Variants in DARS1 observed in about 807,000 individuals in gnomAD.
DARS1 encodes the protein aspartate--tRNA ligase, cytoplasmic.
In DARS1, 51 loss-of-function variants were observed where a neutral mutation model predicts 68.8. The observed-to-expected ratio is 0.74, with a 90% CI of 0.59 to 0.94. The LOEUF (loss-of-function observed/expected upper bound fraction) is 0.94. Among genes scored for constraint, DARS1 ranks in the 40% least tolerant of loss-of-function variants. The pLI is 0.00. For missense variants in DARS1, 607 were observed against 597.3 expected (o/e 1.02, Z -0.17); for synonymous variants, 203 against 190.4 (o/e 1.07, Z -0.55).
At chr2:135,912,314 C>T (rs1680911461) in intron 13 of DARS1, among the ~76,000 whole-genome samples, 172 bp downstream of exon 13, 1 of 152,126 alleles carries the variant, frequency 6.6e-6, no homozygotes, top group East Asian at 1.9e-4. Flanking sequence ...CTAGAATATT[C>T]AAATTTTACA....
chr2:135,972,547 C>T (rs1682396731), intron 3 of DARS1, among the ~76,000 whole-genome samples: 1 of 152,124 alleles, frequency 6.6e-6, no homozygotes, highest in Non-Finnish European at 1.5e-5. Flanking sequence ...TCCACAAGCA[C>T]AGGCAACTGA....
In DARS1 at chr2:135,965,371, C is replaced by T. The variant is rs138023264; in HGVS notation, c.218-3873G>A. 4.5e-3 allele frequency among the ~76,000 whole-genome samples: 681 copies of T among 152,028 alleles called. 6 individuals carry two copies. The highest frequency in any genetic ancestry group is 0.015 in the African/African-American group (631 of 41,462). On this transcript the variant is annotated intron_variant, in intron 3 of 15. Coordinates refer to ENST00000264161, the MANE Select transcript of DARS1 (RefSeq NM_001349.4). ...ATCTTAAAGATTTATGAGAAAAGAACACTGAGATCCCAATAGATAAACAGG... is the reference window on the plus strand; with the variant it reads ...ATCTTAAAGATTTATGAGAAAAGAATACTGAGATCCCAATAGATAAACAGG...
intron 1 of DARS1, 39 bp downstream of exon 1, chr2:135,985,364 G>A (rs780926175): frequency 2.5e-6 from 4 of 1,607,912 alleles, no homozygotes; most frequent in Admixed American, 1.7e-5. Context: ...CCCGGCCCAG[G>A]GGTCTGTCCT....
chr2:135,975,884 G>A (rs531372674), intron 3 of DARS1, among the ~76,000 whole-genome samples: 1 of 152,160 alleles, frequency 6.6e-6, no homozygotes, highest in African/African-American at 2.4e-5. Context: ...AGGAGGCAGA[G>A]GTTGCAATGA....
chr2:135,919,600 G>A (rs1040356068), intron 10 of DARS1, among the ~76,000 whole-genome samples: 4 of 152,020 alleles, frequency 2.6e-5, no homozygotes, highest in Admixed American at 6.6e-5. Context: ...AACTTGACTC[G>A]GTTCTATTTT....
At chr2:135,966,704 G>C (rs1357970620) in intron 3 of DARS1, among the ~76,000 whole-genome samples, 1 of 151,926 alleles carries the variant, frequency 6.6e-6, no homozygotes, top group Non-Finnish European at 1.5e-5. Context: ...ACTAATTTTT[G>C]TATTTTTTTA....
At chr2:135,911,237 A>T (rs754533572) in intron 14 of DARS1, 27 bp from the exon 15 acceptor site, 3 of 1,176,622 alleles carry the variant, frequency 2.5e-6, no homozygotes, top group Non-Finnish European at 3.8e-6. Flanking sequence ...AACAAAATAT[A>T]ATTTATCATC....
At chr2:135,985,304 C>G (rs1682751097) in intron 1 of DARS1, 99 bp downstream of exon 1, 26 of 1,473,220 alleles carry the variant, frequency 1.8e-5, no homozygotes, top group Non-Finnish European at 2.2e-5. Context: ...GAGAACGTGC[C>G]GACAAGGACC....
At chr2:135,968,797 G>T (rs1021163170) in intron 3 of DARS1, among the ~76,000 whole-genome samples, 1 of 151,960 alleles carries the variant, frequency 6.6e-6, no homozygotes, top group Non-Finnish European at 1.5e-5. Flanking sequence ...AGGTAGCTGG[G>T]ATTACAGGCG....
chr2:135,932,099 G>A (rs532347090), intron 7 of DARS1, among the ~76,000 whole-genome samples: 174 of 152,264 alleles, frequency 1.1e-3, no homozygotes, highest in Non-Finnish European at 1.9e-3. Context: ...AATAACATGA[G>A]TATATAATAA....
intron 4 of DARS1, among the ~76,000 whole-genome samples, chr2:135,951,085 T>G (rs1681829668): frequency 6.6e-6 from 1 of 152,192 alleles, no homozygotes. Flanking sequence ...TTGGTGGAAA[T>G]TATAATCAGA....
chr2:135,985,273 A>G (rs1288780965), intron 1 of DARS1, 130 bp downstream of exon 1: 6 of 1,408,132 alleles, frequency 4.3e-6, no homozygotes, highest in South Asian at 1.5e-5. Context: ...AGGCGCCCGG[A>G]CCCCACGCCC....
In DARS1 at chr2:135,906,488, AC is replaced by A; in HGVS notation, c.*827del. 6.6e-6 allele frequency among the ~76,000 whole-genome samples: 1 copy of A among 152,328 alleles called. No homozygotes were observed. Among genetic ancestry groups the A allele is most frequent in the South Asian group, 2.1e-4 (1 of 4,826 alleles). On this transcript the variant is annotated 3_prime_UTR_variant, in exon 16 of 16. Transcript: ENST00000264161. ...AACCCATGTGAAATGAACTCTGTCA[AC>A]CGACCCAAGCTGTCAACTTTAAGAG...
intron 3 of DARS1, among the ~76,000 whole-genome samples, chr2:135,976,492 C>T (rs993419193): frequency 3.3e-5 from 5 of 152,092 alleles, no homozygotes; most frequent in African/African-American, 1.2e-4. Flanking sequence ...TAAATTCTCC[C>T]TATCCACCCA....
At chr2:135,981,776 C>T (rs1477339336) in intron 2 of DARS1, among the ~76,000 whole-genome samples, 1 of 151,688 alleles carries the variant, frequency 6.6e-6, no homozygotes, top group Non-Finnish European at 1.5e-5. Flanking sequence ...TCAAGTGATC[C>T]TCCCATCAGC....
intron 4 of DARS1, 94 bp downstream of exon 4, chr2:135,961,302 C>A: frequency 4.2e-6 from 3 of 719,412 alleles, no homozygotes; most frequent in South Asian, 1.6e-5. Context: ...ACAAACGAAG[C>A]ATTGATGTTA....
intron 7 of DARS1, among the ~76,000 whole-genome samples, chr2:135,931,979 A>T (rs147523962): frequency 5.7e-4 from 87 of 152,318 alleles, no homozygotes; most frequent in Non-Finnish European, 1.1e-3. Flanking sequence ...GCCAACATAC[A>T]TGAAAAACCT....
At position 135,907,238 on chromosome 2, in the gene DARS1, CTTTCT is replaced by C; in HGVS notation, c.*73_*77del. ...AGGTTACTGAAAAGAATAAGTGTGGCTTTCTTTTTTTTTTTTTTTTTTTGAGGCAG... is the reference window on the plus strand; with the variant it reads ...AGGTTACTGAAAAGAATAAGTGTGGCTTTTTTTTTTTTTTTTTTGAGGCAG... On this transcript the variant is annotated 3_prime_UTR_variant, in exon 16 of 16. Coordinates refer to ENST00000264161, the MANE Select transcript of DARS1 (RefSeq NM_001349.4). 5 of 724,936 alleles carry C rather than the reference CTTTCT, an allele frequency of 6.9e-6. No individual in the cohort carries two copies. In the South Asian group the frequency reaches 1.1e-4, roughly 15 times the overall value. The allele number at this position is 724,936 out of a possible 1,614,324, so 44.9% of individuals were successfully genotyped here.
At chr2:135,923,067 T>C in intron 8 of DARS1, 149 bp from the exon 9 acceptor site, 1 of 911,682 alleles carries the variant, frequency 1.1e-6, no homozygotes, top group South Asian at 4.3e-5. Context: ...TCTATATACA[T>C]CATCTTCTAT....
Sources: allele counts gnomAD v4.1 joint callset (sites outside exome capture counted in the v4.1 genomes callset), GRCh38; gene constraint gnomAD v4.1.1; transcripts MANE v1.5; gene names NCBI Gene and HGNC (gene_info 2026-07-23, HGNC 2026-07-21).